Variants in CYP46A1 observed in about 807,000 individuals in gnomAD.
CYP46A1 encodes the protein cytochrome P450 family 46 subfamily A member 1, also known as cholesterol 24-hydroxylase.
A neutral mutation model predicts 63.3 loss-of-function variants in CYP46A1; 20 were observed. The observed-to-expected ratio is 0.32, with a 90% CI of 0.22 to 0.46. The LOEUF (loss-of-function observed/expected upper bound fraction) is 0.46, where lower values mean the gene tolerates loss of function less well. Among genes scored for constraint, CYP46A1 ranks in the 20% least tolerant of loss-of-function variants. The pLI, the probability that CYP46A1 is intolerant of heterozygous loss-of-function variation, is 1.00. For missense variants in CYP46A1, 445 were observed against 670.8 expected (o/e 0.66, Z 3.72); for synonymous variants, 268 against 273.6 (o/e 0.98, Z 0.20).
chr14:99,710,541 A>G (rs2056719981), intron 7 of CYP46A1: 1 of 152,172 alleles, frequency 6.6e-6, no homozygotes, highest in Non-Finnish European at 1.5e-5. Flanking sequence ...AATTATATCA[A>G]ATAAAACAGA....
chr14:99,726,707 C>T lies in CYP46A1; in HGVS notation c.1483C>T (p.Pro495Ser). 2 of 1,534,792 alleles carry T rather than the reference C, an allele frequency of 1.3e-6. No individual in the cohort carries two copies. The highest frequency in any genetic ancestry group is 8.8e-7 in the Non-Finnish European group (1 of 1,139,166). Residue 495 changes from proline to serine, a missense_variant, in exon 15 of 15, where the codon CCC becomes TCC. By Grantham distance (74) the Pro-to-Ser change is moderately conservative (BLOSUM62 -1). Coordinates refer to ENST00000261835, the MANE Select transcript of CYP46A1 (RefSeq NM_006668.2). ...TLRPRGWQPA[P>S]PPPPC The stretch of plus-strand genomic sequence containing the variant: ...GCGGCCCCGCGGCTGGCAGCCCGCA[C>T]CCCCACCACCCCCCTGCTGAGGGGG...
At chr14:99,702,242 CT>C (rs2056638008) in intron 5 of CYP46A1, among the ~76,000 whole-genome samples, 1 of 152,106 alleles carries the variant, frequency 6.6e-6, no homozygotes, top group Non-Finnish European at 1.5e-5. Flanking sequence ...TCATTAGCAT[CT>C]TGTTTCTAAG....
At chr14:99,694,461 C>T (rs11160539) in intron 3 of CYP46A1, among the ~76,000 whole-genome samples, 140,922 of 147,548 alleles carry the variant, frequency 0.96, 67,616 homozygotes, top group East Asian at 1. Flanking sequence ...TTATTGGTTT[C>T]CTTCATTGTT....
At chr14:99,713,603 G>C (rs967827443) in intron 7 of CYP46A1, among the ~76,000 whole-genome samples, 1 of 151,986 alleles carries the variant, frequency 6.6e-6, no homozygotes, top group Admixed American at 6.6e-5. Flanking sequence ...ACGTGGCCAG[G>C]CATGGTGGCT....
In CYP46A1 at chr14:99,726,305, GGGGCTCATCCTGAGC is replaced by G. The variant is rs746090584; in HGVS notation, c.1332+50_1332+64del. On this transcript the variant is annotated intron_variant, in intron 14 of 14. Coordinates refer to ENST00000261835, the MANE Select transcript of CYP46A1 (RefSeq NM_006668.2). ...CTGCCCAGGAGTAGCTGCAGGGGTG[GGGGCTCATCCTGAGC>G]CGGGAAGCATCTCCGAACCCCTGCT... 33 of 1,587,208 alleles carry G rather than the reference GGGGCTCATCCTGAGC, an allele frequency of 2.1e-5. No individual in the cohort carries two copies. In the African/African-American group the frequency reaches 4.3e-4, roughly 21 times the overall value.
chr14:99,689,605 C>T (rs554847014), intron 1 of CYP46A1, among the ~76,000 whole-genome samples: 1 of 152,278 alleles, frequency 6.6e-6, no homozygotes, highest in African/African-American at 2.4e-5. Context: ...GGTAGATGGT[C>T]GCTCCATCCA....
chr14:99,685,310 T>TCCCCCCCCCCCCCCCCCC (rs2056483878), intron 1 of CYP46A1, among the ~76,000 whole-genome samples: 1 of 12,606 alleles, frequency 7.9e-5, no homozygotes, highest in African/African-American at 3.1e-4. Flanking sequence ...AGCCTCCCCC[T>TCCCCCCCCCCCCCCCCCC]CCCCCCGCCC....
At chr14:99,726,047 G>C (rs1187017322) in intron 13 of CYP46A1, 143 bp from the exon 14 acceptor site, 3 of 719,778 alleles carry the variant, frequency 4.2e-6, no homozygotes, top group South Asian at 1.7e-5. Flanking sequence ...AGAGTCAGCG[G>C]TTCATGCTTT....
rs1227499197 is a variant in CYP46A1 at position 99,727,076 on chromosome 14, C to T, written c.*349C>T. On this transcript the variant is annotated 3_prime_UTR_variant, in exon 15 of 15. Transcript: ENST00000261835. The stretch of plus-strand genomic sequence containing the variant: ...CTCCTCCAAGAAGCCCTCCTTGCCA[C>T]CCCCCGCCGGCAGGGGCCCCTCCTC... The T allele has an allele frequency of 1.5e-5, 4 of 261,204 alleles. No homozygotes were observed. The highest frequency in any genetic ancestry group is 6.6e-5 in the African/African-American group (3 of 45,238). 16.2% of individuals were successfully genotyped at this position (261,204 alleles called of 1,614,324 possible). A position where few individuals can be genotyped will look rare whatever the true frequency, so the allele number is the denominator to read the frequency against.
chr14:99,684,410 C>T lies in CYP46A1; in HGVS notation c.-8C>T, dbSNP rs919200830. ...CGACCCTGGCCTGGCCTGCCCTGCC[C>T]CGGAGCCATGAGCCCCGGGCTGCTG... On this transcript the variant is annotated 5_prime_UTR_variant, in exon 1 of 15. Coordinates refer to ENST00000261835, the MANE Select transcript of CYP46A1 (RefSeq NM_006668.2). 3.9e-5 allele frequency: 56 copies of T among 1,450,968 alleles called. No individual in the cohort carries two copies. Among genetic ancestry groups the T allele is most frequent in the Admixed American group, 9.9e-5 (4 of 40,530 alleles). 89.9% of individuals were successfully genotyped at this position (1,450,968 alleles called of 1,614,324 possible).
intron 7 of CYP46A1, chr14:99,710,791 A>C (rs12885960): frequency 0.3 from 46,083 of 152,014 alleles, 7,535 homozygotes; most frequent in South Asian, 0.39. Context: ...GAAACATTGG[A>C]TTTAACTACA....
chr14:99,694,316 G>A (rs537266034), intron 3 of CYP46A1, among the ~76,000 whole-genome samples: 1 of 137,790 alleles, frequency 7.3e-6, no homozygotes, highest in African/African-American at 2.7e-5. Flanking sequence ...TTTAATGTCT[G>A]TAGGATCTGT....
At chr14:99,691,415 TG>T (rs1262081802) in intron 2 of CYP46A1, 11 of 585,526 alleles carry the variant, frequency 1.9e-5, no homozygotes, top group South Asian at 4.3e-5. Context: ...GTAAACTGGG[TG>T]GGGGGGTGTG....
At chr14:99,705,386 A>AT (rs2056666990) in intron 5 of CYP46A1, among the ~76,000 whole-genome samples, 2 of 145,304 alleles carry the variant, frequency 1.4e-5, no homozygotes, top group South Asian at 4.7e-4. Context: ...TTTTATTTTT[A>AT]TTTTTTGCAG....
intron 7 of CYP46A1, among the ~76,000 whole-genome samples, chr14:99,714,818 C>T (rs555591457): frequency 6.6e-6 from 1 of 151,564 alleles, no homozygotes; most frequent in South Asian, 2.1e-4. Context: ...ATGCTATTTG[C>T]CCATAAGAAA....
In CYP46A1 at chr14:99,725,379, C is replaced by T. The variant is rs1216665007; in HGVS notation, c.1177-12C>T. ...CCTGGGAACCAGAGATGAGCGGACCCTTTGCCCGCAGTTCAGCACCTATGT... is the reference window on the plus strand; with the variant it reads ...CCTGGGAACCAGAGATGAGCGGACCTTTTGCCCGCAGTTCAGCACCTATGT... On this transcript the variant is annotated splice_polypyrimidine_tract_variant and intron_variant, in intron 12 of 14. Transcript: ENST00000261835. The surrounding 1 kb of genome is among the most constrained non-coding windows in gnomAD (Gnocchi z 4.2). 2 of 1,612,230 alleles carry T rather than the reference C, an allele frequency of 1.2e-6. No homozygotes were observed.
chr14:99,684,480 C>T lies in CYP46A1; in HGVS notation c.63C>T (p.Thr21=), dbSNP rs1566823476. 1.4e-6 allele frequency: 2 copies of T among 1,480,154 alleles called. No homozygotes were observed. The highest frequency in any genetic ancestry group is 1.8e-6 in the Non-Finnish European group (2 of 1,121,610). The allele number at this position is 1,480,154 out of a possible 1,614,324, so 91.7% of individuals were successfully genotyped here. A position where few individuals can be genotyped will look rare whatever the true frequency, so the allele number is the denominator to read the frequency against. Residue 21 remains threonine (T), a synonymous_variant, in exon 1 of 15, where the codon ACC becomes ACT. Transcript: ENST00000261835. ...TGCTCGCCTTCGGCCTCTGCTGCACCTTCGTGCACCGCGCTCGCAGCCGCT... is the reference window on the plus strand; with the variant it reads ...TGCTCGCCTTCGGCCTCTGCTGCACTTTCGTGCACCGCGCTCGCAGCCGCT... ...AVLLAFGLCC[T]FVHRARSRYE...
chr14:99,686,322 C>T (rs2056494065), intron 1 of CYP46A1, among the ~76,000 whole-genome samples: 2 of 152,162 alleles, frequency 1.3e-5, no homozygotes, highest in Admixed American at 6.5e-5. Context: ...CTTGAGAAAG[C>T]AGAATTTAAA....
At chr14:99,714,450 C>T (rs1314962305) in intron 7 of CYP46A1, among the ~76,000 whole-genome samples, 1 of 152,130 alleles carries the variant, frequency 6.6e-6, no homozygotes, top group Non-Finnish European at 1.5e-5. Flanking sequence ...CATCCATCAA[C>T]AGATAAATGG....
Sources: gnomAD v4.1 joint callset for allele counts (sites outside exome capture counted in the v4.1 genomes callset) on GRCh38, gnomAD v4.1.1 for gene constraint, Gnocchi (gnomAD v3.1) non-coding constraint, MANE v1.5 for transcripts, NCBI Gene and HGNC (gene_info 2026-07-23, HGNC 2026-07-21) for gene names.